The following LARP1 variants were observed in gnomAD, a reference collection of about 807,000 sequenced individuals.
The protein encoded by LARP1 is La ribonucleoprotein 1, translational regulator.
In LARP1, 36 loss-of-function variants were observed where a neutral mutation model predicts 122.7. The ratio of observed to expected loss-of-function variants is 0.29; its 90% CI spans 0.22 to 0.39. The LOEUF is 0.39. LARP1 is among the 10% of genes least tolerant of loss of function. The pLI, the probability that LARP1 is intolerant of heterozygous loss-of-function variation, is 1.00. For missense variants in LARP1, 1,040 were observed against 1,403.6 expected, an observed-to-expected ratio of 0.74 and a Z score of 4.14; for synonymous variants, 539 against 528.7, an observed-to-expected ratio of 1.02 and a Z score of -0.27.
At chr5:154,736,589 A>C (rs377552764) in intron 1 of LARP1, among the ~76,000 whole-genome samples, 34 of 133,396 alleles carry the variant, frequency 2.5e-4, no homozygotes, top group African/African-American at 9.9e-4. Context: ...TATTTTAGAC[A>C]GAGTCTCACT....
chr5:154,772,982 T>C (rs1453948248), intron 1 of LARP1, among the ~76,000 whole-genome samples: 1 of 143,534 alleles, frequency 7.0e-6, no homozygotes. Context: ...CACCTGGCCT[T>C]TTTTTTTTTT....
Position 154,779,634 on chromosome 5 carries a change from G to A in LARP1, c.437-10691G>A, listed in dbSNP as rs1756249491. Among the ~76,000 whole-genome samples the A allele has an allele frequency of 4.6e-5, 7 of 150,744 alleles. No homozygotes were observed. In the South Asian group the frequency reaches 1.5e-3, roughly 32 times the overall value. ...AGCGATTCTCCTGCCTAAGCCTCCC[G>A]AGTAACTGGGATTACAGGCATGCGC... On this transcript the variant is annotated intron_variant, in intron 1 of 18. Transcript: ENST00000518297.
intron 15 of LARP1, among the ~76,000 whole-genome samples, 185 bp downstream of exon 15, chr5:154,806,217 TA>T (rs1427626656): frequency 6.6e-6 from 1 of 152,148 alleles, no homozygotes; most frequent in Admixed American, 6.5e-5. Flanking sequence ...TGTAGGAAGC[TA>T]GGGGGATATG....
chr5:154,728,010 G>C (rs779552050), intron 1 of LARP1, among the ~76,000 whole-genome samples: 46 of 152,330 alleles, frequency 3.0e-4, no homozygotes, highest in South Asian at 1.9e-3. Flanking sequence ...GGAGGTTGCA[G>C]TGAGCTGAGA....
At chr5:154,773,158 G>A (rs1755582090) in intron 1 of LARP1, among the ~76,000 whole-genome samples, 2 of 151,982 alleles carry the variant, frequency 1.3e-5, no homozygotes, top group Non-Finnish European at 1.5e-5. Flanking sequence ...TTAAGAAAAC[G>A]TACGAATGGG....
intron 1 of LARP1, among the ~76,000 whole-genome samples, chr5:154,776,208 A>G (rs1315291804): frequency 1.3e-5 from 2 of 152,208 alleles, no homozygotes; most frequent in African/African-American, 2.4e-5. Context: ...TTTTAGGGTA[A>G]GAGAAGCTGT....
At chr5:154,722,084 C>T (rs1032543621) in intron 1 of LARP1, among the ~76,000 whole-genome samples, 11 of 152,182 alleles carry the variant, frequency 7.2e-5, no homozygotes, top group African/African-American at 9.7e-5. Context: ...GGCTGCCTTC[C>T]ATGGAGCCAA....
At chr5:154,712,965 C>T (rs866464977) in exon 1 of LARP1, 1 of 1,614,184 alleles carries the variant, frequency 6.2e-7, no homozygotes, top group Non-Finnish European at 8.5e-7. Context: ...GCCTCCTTTC[C>T]CTCACCCAGA....
At chr5:154,736,463 T>G (rs937562999) in intron 1 of LARP1, among the ~76,000 whole-genome samples, 1 of 152,160 alleles carries the variant, frequency 6.6e-6, no homozygotes, top group Non-Finnish European at 1.5e-5. Flanking sequence ...ACTCCTGGCC[T>G]CAAGGGATCC....
rs1020023031 is a variant in LARP1 at position 154,775,769 on chromosome 5, G to A, written c.437-14556G>A. Among the ~76,000 whole-genome samples the A allele has an allele frequency of 3.3e-5, 5 of 152,148 alleles. No individual in the cohort carries two copies. In the East Asian group the frequency reaches 9.6e-4, roughly 29 times the overall value. On this transcript the variant is annotated intron_variant, in intron 1 of 18. Transcript: ENST00000518297. The stretch of plus-strand genomic sequence containing the variant: ...TTTTGGGGACAAGAACCTAATGTTT[G>A]TTTCCTGCAGTGCTGAGAGGGGTTT...
chr5:154,711,000 T>C (rs554708808), upstream of LARP1, among the ~76,000 whole-genome samples: 1 of 152,010 alleles, frequency 6.6e-6, no homozygotes, highest in Non-Finnish European at 1.5e-5. Flanking sequence ...TAAAAAATTC[T>C]GAAAATGAAA....
chr5:154,742,759 GAAAA>G (rs1343893216), intron 1 of LARP1, among the ~76,000 whole-genome samples: 1 of 150,300 alleles, frequency 6.7e-6, no homozygotes, highest in African/African-American at 2.4e-5. Context: ...AAAGAAAAAA[GAAAA>G]AAATAGTTTC....
chr5:154,746,667 TGAAAG>T, intron 1 of LARP1, among the ~76,000 whole-genome samples: 1 of 152,158 alleles, frequency 6.6e-6, no homozygotes, highest in South Asian at 2.1e-4. Flanking sequence ...CCTCTCTCCA[TGAAAG>T]CCCTTTGGAA....
At chr5:154,723,376 T>C (rs1463149357) in intron 1 of LARP1, among the ~76,000 whole-genome samples, 2 of 152,154 alleles carry the variant, frequency 1.3e-5, no homozygotes, top group Non-Finnish European at 2.9e-5. Context: ...CCTGCTGGGA[T>C]AGTCACCTTC....
At chr5:154,738,015 A>AG (rs1177220108) in intron 1 of LARP1, among the ~76,000 whole-genome samples, 1 of 152,062 alleles carries the variant, frequency 6.6e-6, no homozygotes, top group East Asian at 1.9e-4. Flanking sequence ...GGACAATGGG[A>AG]GGCCCCTTAG....
At position 154,811,583 on chromosome 5, in the gene LARP1, C is replaced by G. The variant is rs768107777; in HGVS notation, c.3024C>G (p.Asp1008Glu). 1 of 1,614,164 alleles carries G rather than the reference C, an allele frequency of 6.2e-7. No homozygotes were observed. Among genetic ancestry groups the G allele is most frequent in the South Asian group, 1.1e-5 (1 of 91,088 alleles). Residue 1008 changes from aspartate to glutamate, a missense_variant, in exon 18 of 19, where the codon GAC becomes GAG. Asp to Glu is a conservative substitution (Grantham distance 45). Around this residue, in one of 8 missense-constraint regions of LARP1, gnomAD observed 129 missense variants for 160.8 expected, o/e 0.80. Transcript: ENST00000518297. ...KYSKAKNLDI[D>E]PKLQEYLGKF... ...CCAAAGCCAAAAATTTGGACATTGA[C>G]CCCAAACTGCAAGAATACCTCGGCA...
intron 8 of LARP1, among the ~76,000 whole-genome samples, chr5:154,796,640 G>GGC (rs1294655367): frequency 6.6e-6 from 1 of 152,098 alleles, no homozygotes; most frequent in Non-Finnish European, 1.5e-5. Flanking sequence ...CATTTCATTT[G>GGC]ATTGTCTCTC....
intron 1 of LARP1, among the ~76,000 whole-genome samples, chr5:154,691,402 C>T (rs1393264416): frequency 2.6e-5 from 4 of 152,186 alleles, no homozygotes; most frequent in Non-Finnish European, 4.4e-5. Flanking sequence ...TTAAAACTGG[C>T]CCTTTCCCCC....
chr5:154,752,527 G>A (rs1200253104), upstream of LARP1, among the ~76,000 whole-genome samples: 1 of 152,116 alleles, frequency 6.6e-6, no homozygotes, highest in East Asian at 1.9e-4. Flanking sequence ...ACAGGTTTGA[G>A]CCACTGTGCC....
Sources: allele counts gnomAD v4.1 joint callset (sites outside exome capture counted in the v4.1 genomes callset), GRCh38; gene constraint gnomAD v4.1.1; regional missense constraint gnomAD v4.1.1; transcripts MANE v1.5; gene names NCBI Gene and HGNC (gene_info 2026-07-23, HGNC 2026-07-21).